The following LRRCC1 variants were observed in gnomAD, a reference collection of about 807,000 sequenced individuals.
LRRCC1 encodes the protein leucine rich repeat and coiled-coil centrosomal protein 1.
LRRCC1 carries 115 observed loss-of-function variants against 126.0 expected under a neutral mutation model. The ratio of observed to expected loss-of-function variants is 0.91; its 90% CI spans 0.78 to 1.07. The LOEUF is 1.07. LRRCC1 is among the 50% of genes least tolerant of loss of function. The pLI is 0.00. For synonymous variants in LRRCC1, 400 were observed against 393.4 expected (o/e 1.02, Z -0.20); for missense variants, 1,172 against 1,175.7 (o/e 1.00, Z 0.05).
intron 6 of LRRCC1, among the ~76,000 whole-genome samples, chr8:85,120,927 T>G (rs537236053): frequency 1.6e-4 from 25 of 152,250 alleles, no homozygotes; most frequent in Non-Finnish European, 3.2e-4. Context: ...TATAAGTTTT[T>G]GTGTGGACAT....
At chr8:85,121,467 G>T (rs1809548119) in intron 6 of LRRCC1, among the ~76,000 whole-genome samples, 2 of 151,706 alleles carry the variant, frequency 1.3e-5, no homozygotes. Flanking sequence ...TTGAGACGGA[G>T]TTTCATTCTT....
intron 6 of LRRCC1, among the ~76,000 whole-genome samples, chr8:85,116,340 G>A (rs1340010556): frequency 6.6e-6 from 1 of 151,834 alleles, no homozygotes; most frequent in Non-Finnish European, 1.5e-5. Context: ...TCATATGTTA[G>A]TTCAACTTAA....
chr8:85,141,482 G>GAA lies in LRRCC1; in HGVS notation c.2944_2945dup (p.Gln983SerfsTer10), dbSNP rs1811249010. On this transcript the variant is annotated frameshift_variant, in exon 18 of 19. Transcript: ENST00000360375. LOFTEE classifies it high-confidence loss of function. Reference sequence around the variant, plus strand: ...AGCTGAAATAGCACAGCTGGCCAATGAAAAGCAGAAGTGTATTGATTCTGC... The same window carrying GAA: ...AGCTGAAATAGCACAGCTGGCCAATGAAAAAAGCAGAAGTGTATTGATTCTGC... 6.2e-7 allele frequency: 1 copy of GAA among 1,612,448 alleles called. No individual in the cohort carries two copies. The highest frequency in any genetic ancestry group is 8.5e-7 in the Non-Finnish European group (1 of 1,179,170).
At position 85,124,897 on chromosome 8, in the gene LRRCC1, A is replaced by C. The variant is rs1563941868; in HGVS notation, c.1230A>C (p.Ile410=). ...LQESEKPKTE[I]IKVDQSHSED... ...AATCAGAAAAGCCAAAGACTGAAAT[A>C]ATTAAAGTAGACCAAAGTCACTCAG... The change falls in exon 8 of 19, where the codon ATA becomes ATC. Residue 410 remains isoleucine, a synonymous_variant. Transcript: ENST00000360375. 2.5e-6 allele frequency: 4 copies of C among 1,608,104 alleles called. No individual in the cohort carries two copies. Among genetic ancestry groups the C allele is most frequent in the East Asian group, 2.2e-5 (1 of 44,480 alleles).
intron 12 of LRRCC1, among the ~76,000 whole-genome samples, chr8:85,134,218 CATCT>C (rs1810695542): frequency 6.6e-6 from 1 of 152,216 alleles, no homozygotes; most frequent in South Asian, 2.1e-4. Flanking sequence ...CATATAGTAT[CATCT>C]AACATGTTGT....
Position 85,129,313 on chromosome 8 carries a change from C to T in LRRCC1, c.1560C>T (p.His520=), listed in dbSNP as rs1810259933. The change falls in exon 10 of 19, where the codon CAC becomes CAT. Residue 520 remains histidine (H), a synonymous_variant. Transcript: ENST00000360375. ...AKDQQEDHLK[H]LRTLEKTLEK... is the part of the protein sequence containing the mutation. The stretch of plus-strand genomic sequence containing the variant: ...ATCAACAAGAGGATCACCTTAAACA[C>T]TTAAGAACCCTCGAAAAAACATTAG... 1 of 1,613,082 alleles carries T rather than the reference C, an allele frequency of 6.2e-7. No individual in the cohort carries two copies. The highest frequency in any genetic ancestry group is 1.7e-5 in the Admixed American group (1 of 59,862).
rs767424673 is a variant in LRRCC1, at chr8:85,145,473, C to T, written c.3061C>T (p.Leu1021Phe). The change falls in exon 19 of 19, where the codon CTT becomes TTT. Residue 1021 changes from leucine (L) to phenylalanine (F), a missense_variant. Coordinates refer to ENST00000360375, the MANE Select transcript of LRRCC1 (RefSeq NM_033402.5). ...AACAATGGAAGCAAAAATTAAGCAA[C>T]TTGCTTTTGCTTTAAATGAAATTCA... Reference protein sequence around the residue: ...KKTMEAKIKQLAFALNEIQQD... With the variant: ...KKTMEAKIKQFAFALNEIQQD... The T allele has an allele frequency of 1.3e-6, 2 of 1,585,798 alleles. No homozygotes were observed. Among genetic ancestry groups the T allele is most frequent in the East Asian group, 4.6e-5 (2 of 43,636 alleles).
chr8:85,111,755 G>A (rs913051192), intron 3 of LRRCC1, among the ~76,000 whole-genome samples: 4 of 152,170 alleles, frequency 2.6e-5, no homozygotes, highest in Non-Finnish European at 5.9e-5. Flanking sequence ...ATGGGATACC[G>A]TTTCACACCT....
At chr8:85,109,921 A>C in intron 2 of LRRCC1, 121 bp downstream of exon 2, 1 of 634,362 alleles carries the variant, frequency 1.6e-6, no homozygotes, top group Non-Finnish European at 2.6e-6. Context: ...AACTCATTAT[A>C]CAAAATATTT....
chr8:85,110,512 T>TA (rs2135913678), intron 3 of LRRCC1, among the ~76,000 whole-genome samples: 1 of 152,360 alleles, frequency 6.6e-6, no homozygotes, highest in Admixed American at 6.5e-5. Context: ...TCCACAGTGG[T>TA]AAAAATGTTC....
intron 3 of LRRCC1, 141 bp downstream of exon 3, chr8:85,110,321 G>A (rs1243903345): frequency 2.5e-6 from 1 of 399,238 alleles, no homozygotes; most frequent in African/African-American, 2.0e-5. Flanking sequence ...GCGTATTCCA[G>A]TCATGATTCT....
chr8:85,137,044 T>G (rs1236666416), intron 14 of LRRCC1, among the ~76,000 whole-genome samples: 1 of 151,872 alleles, frequency 6.6e-6, no homozygotes, highest in Non-Finnish European at 1.5e-5. Flanking sequence ...CCAGGCTGGT[T>G]TCAAACTCCT....
At chr8:85,119,690 C>G (rs1269984064) in intron 6 of LRRCC1, among the ~76,000 whole-genome samples, 2 of 151,874 alleles carry the variant, frequency 1.3e-5, no homozygotes. Context: ...GACAGGGTTT[C>G]TTTCACCGTG....
At chr8:85,134,763 C>A in intron 12 of LRRCC1, 84 bp from the exon 13 acceptor site, 1 of 830,564 alleles carries the variant, frequency 1.2e-6, no homozygotes, top group Non-Finnish European at 1.8e-6. Context: ...TATTCTTTTG[C>A]TAAAACTGTG....
chr8:85,110,672 A>G (rs1375982941), intron 3 of LRRCC1, among the ~76,000 whole-genome samples: 1 of 152,270 alleles, frequency 6.6e-6, no homozygotes, highest in East Asian at 1.9e-4. Context: ...GGCTACTGCC[A>G]TGTTGAACAG....
intron 9 of LRRCC1, among the ~76,000 whole-genome samples, chr8:85,128,414 G>A (rs1228476103): frequency 6.8e-6 from 1 of 146,562 alleles, no homozygotes; most frequent in Admixed American, 6.8e-5. Context: ...TCTTTTATCT[G>A]TGCCACCCCC....
chr8:85,115,052 G>T lies in LRRCC1; in HGVS notation c.545-48G>T. The T allele has an allele frequency of 3.6e-6, 5 of 1,402,316 alleles. No individual in the cohort carries two copies. In the South Asian group the frequency reaches 4.6e-5, roughly 13 times the overall value. The allele number at this position is 1,402,316 out of a possible 1,614,324, so 86.9% of individuals were successfully genotyped here. ...AATTTAGTTTATTCTAGAAATAATT[G>T]ACTTTTTTTAATATTTCAGTTTTCA... On this transcript the variant is annotated intron_variant, in intron 4 of 18. Coordinates refer to ENST00000360375, the MANE Select transcript of LRRCC1 (RefSeq NM_033402.5).
intron 18 of LRRCC1, among the ~76,000 whole-genome samples, 187 bp from the exon 19 acceptor site, chr8:85,145,202 T>C (rs1389458784): frequency 6.6e-6 from 1 of 151,840 alleles, no homozygotes; most frequent in African/African-American, 2.4e-5. Flanking sequence ...AAGTACTTTG[T>C]ATACTGTATA....
chr8:85,109,242 G>C, intron 1 of LRRCC1: 1 of 208,088 alleles, frequency 4.8e-6, no homozygotes, highest in Non-Finnish European at 9.5e-6. Context: ...GCAAAACCGT[G>C]ATAGAATGCA....
Sources: gnomAD v4.1 joint callset for allele counts (sites outside exome capture counted in the v4.1 genomes callset) on GRCh38, gnomAD v4.1.1 for gene constraint, MANE v1.5 for transcripts, NCBI Gene and HGNC (gene_info 2026-07-23, HGNC 2026-07-21) for gene names.